The following UNC79 variants were observed in gnomAD, a reference collection of about 807,000 sequenced individuals.
The protein encoded by UNC79 is unc-79 subunit of NALCN channel complex.
A neutral mutation model predicts 283.1 loss-of-function variants in UNC79; 37 were observed. The observed-to-expected ratio is 0.13, with a 90% CI of 0.10 to 0.17. The LOEUF (loss-of-function observed/expected upper bound fraction) is 0.17. UNC79 is among the 10% of genes least tolerant of loss of function. UNC79 has a pLI of 1.00. For synonymous variants in UNC79, 1,107 were observed against 1,200.2 expected (o/e 0.92, Z 1.61); for missense variants, 2,272 against 3,211.1 (o/e 0.71, Z 7.07).
intron 1 of UNC79, among the ~76,000 whole-genome samples, chr14:93,384,998 A>G (rs1485318595): frequency 3.9e-5 from 6 of 152,298 alleles, no homozygotes; most frequent in African/African-American, 1.4e-4. Flanking sequence ...TTGTAGATGT[A>G]TGAATTTATC....
intron 48 of UNC79, 68 bp downstream of exon 51, chr14:93,704,734 T>C: frequency 1.3e-6 from 2 of 1,557,530 alleles, no homozygotes. Flanking sequence ...TCCTAGGGAT[T>C]GTTGATGCTC....
chr14:93,588,112 G>A (rs1165818113), intron 22 of UNC79, among the ~76,000 whole-genome samples: 2 of 152,154 alleles, frequency 1.3e-5, no homozygotes, highest in Non-Finnish European at 2.9e-5. Flanking sequence ...GGATGGTGTG[G>A]ATGTAAGGGA....
At chr14:93,338,290 C>G (rs1158618837) in intron 1 of UNC79, among the ~76,000 whole-genome samples, 2 of 152,064 alleles carry the variant, frequency 1.3e-5, no homozygotes, top group Non-Finnish European at 2.9e-5. Flanking sequence ...TGCACCACCT[C>G]CCACCGACCA....
chr14:93,527,570 A>G (rs1234283444), intron 8 of UNC79, among the ~76,000 whole-genome samples: 3 of 152,188 alleles, frequency 2.0e-5, no homozygotes, highest in Admixed American at 6.5e-5. Context: ...CAATCATTGA[A>G]GTGTCTGTTT....
At chr14:93,381,734 G>A (rs964359585) in intron 1 of UNC79, among the ~76,000 whole-genome samples, 1 of 152,234 alleles carries the variant, frequency 6.6e-6, no homozygotes, top group African/African-American at 2.4e-5. Context: ...ATTTGCATGT[G>A]TCACGGGAAC....
At chr14:93,589,461 C>T (rs2064496228) in intron 22 of UNC79, among the ~76,000 whole-genome samples, 1 of 151,934 alleles carries the variant, frequency 6.6e-6, no homozygotes, top group African/African-American at 2.4e-5. Flanking sequence ...TGGGTGTTCT[C>T]AGCCTTATAG....
At chr14:93,590,934 G>C (rs1263508241) in intron 22 of UNC79, among the ~76,000 whole-genome samples, 1 of 152,156 alleles carries the variant, frequency 6.6e-6, no homozygotes, top group Admixed American at 6.5e-5. Flanking sequence ...CATCGTCCTT[G>C]TAATCATGAT....
In UNC79 at chr14:93,617,737, C is replaced by G. The variant is rs1269553842; in HGVS notation, c.4224+433C>G. On this transcript the variant is annotated intron_variant, in intron 28 of 48. Coordinates refer to ENST00000555664, the Ensembl canonical transcript of UNC79. The surrounding 1 kb of genome is among the most constrained non-coding windows in gnomAD (Gnocchi z 4.5). ...TGGTGAAGGAGGAAATGAATATGGT[C>G]CCTTGTAAAAATAAGGCCATGGGGG... Among the ~76,000 whole-genome samples the G allele has an allele frequency of 1.3e-5, 2 of 152,138 alleles. No homozygotes were observed. The highest frequency in any genetic ancestry group is 4.8e-5 in the African/African-American group (2 of 41,498).
chr14:93,529,512 C>G (rs552294215), intron 10 of UNC79, among the ~76,000 whole-genome samples, 186 bp downstream of exon 10: 1 of 152,008 alleles, frequency 6.6e-6, no homozygotes, highest in Non-Finnish European at 1.5e-5. Context: ...TTTAATAATG[C>G]GGGAAGTAGT....
At chr14:93,634,318 G>A (rs2068318314) in intron 31 of UNC79, among the ~76,000 whole-genome samples, 1 of 152,152 alleles carries the variant, frequency 6.6e-6, no homozygotes, top group Non-Finnish European at 1.5e-5. Context: ...GTGCTAATGG[G>A]CACTGTTACC....
exon 25 of UNC79, chr14:93,600,688 G>A: frequency 1.9e-6 from 3 of 1,613,930 alleles, no homozygotes; most frequent in Non-Finnish European, 2.5e-6. Context: ...TGAGCTGGGA[G>A]TTCTTTGTCA....
chr14:93,684,099 G>A (rs1439397016), intron 42 of UNC79, among the ~76,000 whole-genome samples: 1 of 152,150 alleles, frequency 6.6e-6, no homozygotes, highest in African/African-American at 2.4e-5. Context: ...AGTATGTAAT[G>A]CAATATTTCT....
At chr14:93,569,685 A>G (rs2063107442) in intron 14 of UNC79, among the ~76,000 whole-genome samples, 1 of 152,114 alleles carries the variant, frequency 6.6e-6, no homozygotes, top group Non-Finnish European at 1.5e-5. Flanking sequence ...GGAATGGACA[A>G]TTATTTGTCT....
exon 41 of UNC79, chr14:93,673,427 C>T (rs757173388): frequency 1.5e-5 from 25 of 1,613,048 alleles, no homozygotes; most frequent in Non-Finnish European, 1.9e-5. Flanking sequence ...TCTCCTTTAC[C>T]AGATACAAAC....
intron 26 of UNC79, among the ~76,000 whole-genome samples, chr14:93,611,628 A>G (rs1394453339): frequency 6.6e-6 from 1 of 152,182 alleles, no homozygotes. Context: ...TGAGGAGTTA[A>G]TAGGTATAAA....
intron 3 of UNC79, among the ~76,000 whole-genome samples, chr14:93,476,135 TAGCA>T (rs2140341062): frequency 6.6e-6 from 1 of 152,256 alleles, no homozygotes; most frequent in South Asian, 2.1e-4. Flanking sequence ...TCTGAATTTT[TAGCA>T]AGATCCTTGT....
chr14:93,416,619 G>T (rs1355277814), intron 1 of UNC79, among the ~76,000 whole-genome samples: 1 of 152,060 alleles, frequency 6.6e-6, no homozygotes, highest in Non-Finnish European at 1.5e-5. Flanking sequence ...TTGACAGTGG[G>T]GTGTTAAAGT....
chr14:93,380,277 T>G (rs1294712542), intron 1 of UNC79, among the ~76,000 whole-genome samples: 1 of 152,176 alleles, frequency 6.6e-6, no homozygotes, highest in African/African-American at 2.4e-5. Context: ...AATGACACAT[T>G]AATATATGTT....
chr14:93,466,269 T>C (rs1391720396), intron 1 of UNC79, among the ~76,000 whole-genome samples: 5 of 152,188 alleles, frequency 3.3e-5, no homozygotes, highest in African/African-American at 1.2e-4. Context: ...ATCTGATAAA[T>C]AGTGTATGTA....
Sources: allele counts gnomAD v4.1 joint callset (sites outside exome capture counted in the v4.1 genomes callset), GRCh38; gene constraint gnomAD v4.1.1; non-coding constraint Gnocchi (gnomAD v3.1); transcripts MANE v1.5; gene names NCBI Gene and HGNC (gene_info 2026-07-23, HGNC 2026-07-21).